CNTN5: variants seen among roughly 807,000 people sequenced by gnomAD.
CNTN5 encodes the protein contactin-5.
A neutral mutation model predicts 129.1 loss-of-function variants in CNTN5; 77 were observed. The observed-to-expected ratio is 0.60, with a 90% CI of 0.50 to 0.72. The LOEUF (loss-of-function observed/expected upper bound fraction) is 0.72, where lower values mean the gene tolerates loss of function less well. Among genes scored for constraint, CNTN5 ranks in the 30% least tolerant of loss-of-function variants. The pLI is 0.00. For synonymous variants in CNTN5, 509 were observed against 465.6 expected, an observed-to-expected ratio of 1.09 and a Z score of -1.20; for missense variants, 1,478 against 1,328.8, an observed-to-expected ratio of 1.11 and a Z score of -1.75.
intron 13 of CNTN5, among the ~76,000 whole-genome samples, chr11:100,112,842 A>C (rs1945700096): frequency 6.6e-6 from 1 of 152,142 alleles, no homozygotes; most frequent in African/African-American, 2.4e-5. Context: ...AGTGCCTTTT[A>C]ACAACAGTAA....
At chr11:99,509,692 AAT>A (rs1328919819) in intron 2 of CNTN5, among the ~76,000 whole-genome samples, 2 of 152,144 alleles carry the variant, frequency 1.3e-5, no homozygotes, top group Non-Finnish European at 2.9e-5. Context: ...ATGAAAACAA[AAT>A]ATACACAAAA....
At chr11:99,071,762 C>T (rs1175291469) in intron 1 of CNTN5, among the ~76,000 whole-genome samples, 2 of 151,870 alleles carry the variant, frequency 1.3e-5, no homozygotes, top group African/African-American at 4.8e-5. Flanking sequence ...TGAAGTCAAT[C>T]CTAAAGATTA....
intron 3 of CNTN5, among the ~76,000 whole-genome samples, chr11:99,619,269 T>G (rs1054937885): frequency 1.3e-5 from 2 of 151,996 alleles, no homozygotes; most frequent in Non-Finnish European, 2.9e-5. Context: ...CAATAGAGCC[T>G]ATATTAAATT....
At chr11:99,195,725 A>T (rs991607741) in intron 1 of CNTN5, among the ~76,000 whole-genome samples, 39 of 152,216 alleles carry the variant, frequency 2.6e-4, no homozygotes, top group African/African-American at 9.4e-4. Context: ...CAAATGGACT[A>T]AAATATGGCG....
At chr11:99,285,666 T>C (rs1360902474) in intron 1 of CNTN5, among the ~76,000 whole-genome samples, 1 of 151,210 alleles carries the variant, frequency 6.6e-6, no homozygotes, top group Non-Finnish European at 1.5e-5. Context: ...ACAATAGCAG[T>C]AGTCAGCAAG....
chr11:99,316,818 T>G (rs1865360689), intron 1 of CNTN5, among the ~76,000 whole-genome samples: 1 of 151,784 alleles, frequency 6.6e-6, no homozygotes, highest in African/African-American at 2.4e-5. Flanking sequence ...GAGGAAATAG[T>G]GATAACAGAA....
intron 13 of CNTN5, among the ~76,000 whole-genome samples, chr11:100,187,085 T>C (rs1948320654): frequency 6.6e-6 from 1 of 152,224 alleles, no homozygotes; most frequent in South Asian, 2.1e-4. Flanking sequence ...CAGTGTTTTA[T>C]AGTTCTCCTT....
intron 3 of CNTN5, among the ~76,000 whole-genome samples, chr11:99,744,806 C>T (rs368830892): frequency 8.6e-5 from 13 of 151,436 alleles, no homozygotes; most frequent in South Asian, 2.1e-4. Context: ...AGAAAGACTG[C>T]GACTCTTTAA....
At chr11:99,977,999 C>T (rs985709335) in intron 8 of CNTN5, among the ~76,000 whole-genome samples, 1 of 152,202 alleles carries the variant, frequency 6.6e-6, no homozygotes, top group Non-Finnish European at 1.5e-5. Flanking sequence ...AGCAATGTTT[C>T]AGTCAGTGAT....
intron 1 of CNTN5, among the ~76,000 whole-genome samples, chr11:99,120,013 C>T (rs186201016): frequency 8.9e-4 from 134 of 150,704 alleles, no homozygotes; most frequent in African/African-American, 3.1e-3. Context: ...TGTGTAGATG[C>T]TGGACATTAG....
At chr11:100,214,557 T>C (rs1283729891) in intron 15 of CNTN5, among the ~76,000 whole-genome samples, 2 of 152,192 alleles carry the variant, frequency 1.3e-5, no homozygotes, top group Non-Finnish European at 2.9e-5. Flanking sequence ...TGCCAAACTT[T>C]CCAACACTAC....
intron 1 of CNTN5, among the ~76,000 whole-genome samples, chr11:99,275,255 T>G (rs1383906047): frequency 6.6e-6 from 1 of 151,516 alleles, no homozygotes; most frequent in East Asian, 1.9e-4. Flanking sequence ...GCTATCCTTT[T>G]TGTCCTTGTC....
At chr11:99,607,684 G>C (rs1204593379) in intron 3 of CNTN5, among the ~76,000 whole-genome samples, 2 of 116,348 alleles carry the variant, frequency 1.7e-5, no homozygotes, top group East Asian at 4.6e-4. Flanking sequence ...CAATAGCAAA[G>C]ACTTGGAACC....
At chr11:99,286,078 C>G (rs1163729732) in intron 1 of CNTN5, among the ~76,000 whole-genome samples, 5 of 146,614 alleles carry the variant, frequency 3.4e-5, no homozygotes, top group Non-Finnish European at 7.5e-5. Context: ...AATTGGGTAA[C>G]AGAGTCTTCA....
At chr11:99,979,125 A>G (rs1938180454) in intron 8 of CNTN5, among the ~76,000 whole-genome samples, 1 of 152,068 alleles carries the variant, frequency 6.6e-6, no homozygotes, top group East Asian at 1.9e-4. Flanking sequence ...TTTTTGTTTC[A>G]TTTCGTTTTC....
At chr11:100,085,061 G>A (rs1228007508) in intron 13 of CNTN5, among the ~76,000 whole-genome samples, 2 of 152,022 alleles carry the variant, frequency 1.3e-5, no homozygotes, top group African/African-American at 4.8e-5. Flanking sequence ...AGGGGTGGTG[G>A]GATATAGGCC....
intron 17 of CNTN5, among the ~76,000 whole-genome samples, chr11:100,261,766 C>T (rs1478221679): frequency 5.9e-5 from 9 of 152,058 alleles, no homozygotes; most frequent in African/African-American, 2.2e-4. Flanking sequence ...AGCAACTGGA[C>T]CCCTTCCTTA....
At chr11:99,854,713 C>G (rs1400093978) in intron 6 of CNTN5, among the ~76,000 whole-genome samples, 2 of 151,840 alleles carry the variant, frequency 1.3e-5, no homozygotes, top group Non-Finnish European at 2.9e-5. Flanking sequence ...GAGAAAATAC[C>G]CAACATTTAA....
chr11:99,272,432 A>C (rs1305179796), intron 1 of CNTN5, among the ~76,000 whole-genome samples: 1 of 151,816 alleles, frequency 6.6e-6, no homozygotes, highest in African/African-American at 2.4e-5. Flanking sequence ...AAATTATTTT[A>C]GCCACAGGGT....
Sources: allele counts gnomAD v4.1 joint callset (sites outside exome capture counted in the v4.1 genomes callset), GRCh38; gene constraint gnomAD v4.1.1; transcripts MANE v1.5; gene names NCBI Gene and HGNC (gene_info 2026-07-23, HGNC 2026-07-21).